Variants in HECW2 observed in about 807,000 individuals in gnomAD.
HECW2 encodes E3 ubiquitin-protein ligase HECW2.
Under a neutral mutation model 175.2 loss-of-function variants are expected in HECW2, and 61 were observed. The ratio of observed to expected loss-of-function variants is 0.35; its 90% CI spans 0.28 to 0.43. The LOEUF is 0.43. HECW2 is among the 20% of genes least tolerant of loss of function. The pLI, the probability that HECW2 is intolerant of heterozygous loss-of-function variation, is 1.00. For synonymous variants in HECW2, 671 were observed against 731.0 expected, an observed-to-expected ratio of 0.92 and a Z score of 1.32; for missense variants, 1,524 against 2,000.5, an observed-to-expected ratio of 0.76 and a Z score of 4.54.
rs746356858 is a variant in HECW2 at position 196,318,562 on chromosome 2, G to A, written c.2328C>T (p.Gly776=). 4.0e-6 allele frequency: 6 copies of A among 1,508,934 alleles called. No homozygotes were observed. Among genetic ancestry groups the A allele is most frequent in the East Asian group, 4.7e-5 (2 of 42,998 alleles). 93.5% of individuals were successfully genotyped at this position (1,508,934 alleles called of 1,614,324 possible). The part of the protein sequence containing the change: ...TCEGATAQEE[G]ATGGSQANGH... ...GTGTCCATATCCTACCTCCAGTAGCGCCCTCCTCCTGGGCAGTTGCCCCTT... is the reference window on the plus strand; with the variant it reads ...GTGTCCATATCCTACCTCCAGTAGCACCCTCCTCCTGGGCAGTTGCCCCTT... The change falls in exon 9 of 29, where the codon GGC becomes GGT. Residue 776 remains glycine, a synonymous_variant. Transcript: ENST00000644978.
intron 1 of HECW2, among the ~76,000 whole-genome samples, chr2:196,587,982 C>A (rs1033556562): frequency 1.3e-5 from 2 of 152,150 alleles, no homozygotes; most frequent in South Asian, 2.1e-4. Flanking sequence ...GGCCATCCTG[C>A]AACTCTATCC....
chr2:196,477,385 C>T (rs969540939), intron 1 of HECW2, among the ~76,000 whole-genome samples: 1 of 152,006 alleles, frequency 6.6e-6, no homozygotes, highest in African/African-American at 2.4e-5. Context: ...ATTAATAGAC[C>T]ATTTGTATGA....
intron 1 of HECW2, among the ~76,000 whole-genome samples, chr2:196,468,243 C>T (rs1374826416): frequency 6.6e-6 from 1 of 152,238 alleles, no homozygotes; most frequent in Non-Finnish European, 1.5e-5. Context: ...GATCCGCCCG[C>T]CTTGGCCTCC....
intron 9 of HECW2, among the ~76,000 whole-genome samples, chr2:196,317,732 A>G (rs1382037701): frequency 6.6e-6 from 1 of 152,160 alleles, no homozygotes; most frequent in East Asian, 1.9e-4. Flanking sequence ...GAAGGGGATC[A>G]TGTAGGTAGA....
At chr2:196,533,212 T>C (rs1688900884) in intron 1 of HECW2, among the ~76,000 whole-genome samples, 1 of 152,248 alleles carries the variant, frequency 6.6e-6, no homozygotes, top group African/African-American at 2.4e-5. Context: ...TTATAAATTA[T>C]AATGTTATGA....
At chr2:196,537,570 C>T (rs959645328) in intron 1 of HECW2, among the ~76,000 whole-genome samples, 4 of 152,048 alleles carry the variant, frequency 2.6e-5, no homozygotes, top group South Asian at 4.1e-4. Flanking sequence ...TGTGGCTGAA[C>T]GGTACTGGTG....
chr2:196,490,648 G>A (rs1176914518), intron 1 of HECW2, among the ~76,000 whole-genome samples: 1 of 152,134 alleles, frequency 6.6e-6, no homozygotes, highest in African/African-American at 2.4e-5. Context: ...ATAAAAACTT[G>A]TATATGAAAG....
chr2:196,484,470 A>T (rs1467352720), intron 1 of HECW2, among the ~76,000 whole-genome samples: 1 of 152,172 alleles, frequency 6.6e-6, no homozygotes, highest in Non-Finnish European at 1.5e-5. Flanking sequence ...CACACCCTGA[A>T]CCTGCAGGAC....
rs908605451 is a variant in HECW2 at position 196,203,004 on chromosome 2, A to G, written c.4608-1616T>C. ...ATTTGGTTCATGAAACAAAGTTTTG[A>G]CCGCGTTTTTGACTGCACCCTGTCA... On this transcript the variant is annotated intron_variant, in intron 28 of 28. Transcript: ENST00000644978. 9.9e-5 allele frequency among the ~76,000 whole-genome samples: 15 copies of G among 152,152 alleles called. No homozygotes were observed. In the South Asian group the frequency reaches 1.0e-3, roughly 11 times the overall value.
At chr2:196,478,585 A>C (rs1164940901) in intron 1 of HECW2, among the ~76,000 whole-genome samples, 1 of 152,068 alleles carries the variant, frequency 6.6e-6, no homozygotes, top group African/African-American at 2.4e-5. Context: ...CTTCACTCTC[A>C]ACAGTTACTT....
At position 196,194,851 on chromosome 2, in the gene HECW2, G is replaced by A. The variant is rs1686636130; in HGVS notation, c.*6426C>T. The A allele has an allele frequency of 6.6e-6, 1 of 152,236 alleles. No individual in the cohort carries two copies. Among genetic ancestry groups the A allele is most frequent in the African/African-American group, 2.4e-5 (1 of 41,552 alleles). The allele number at this position is 152,236 out of a possible 1,614,324, so 9.4% of individuals were successfully genotyped here. A position where few individuals can be genotyped will look rare whatever the true frequency, so the allele number is the denominator to read the frequency against. ...GGTGAACGTAATGACTGAGGTTGGT[G>A]AAGAGAAATTAAAAGCTTAAAAAAA... On this transcript the variant is annotated 3_prime_UTR_variant, in exon 29 of 29. Coordinates refer to ENST00000644978, the MANE Select transcript of HECW2 (RefSeq NM_001348768.2).
chr2:196,531,672 CA>C (rs1204536951), intron 1 of HECW2, among the ~76,000 whole-genome samples: 6 of 107,568 alleles, frequency 5.6e-5, no homozygotes, highest in Admixed American at 2.8e-4. Context: ...AAAAAAAAAA[CA>C]AAAAAAAAAG....
intron 1 of HECW2, among the ~76,000 whole-genome samples, chr2:196,564,166 A>G (rs567601290): frequency 1.3e-5 from 2 of 152,180 alleles, no homozygotes; most frequent in Admixed American, 6.5e-5. Context: ...AAAATGGGAA[A>G]CAGACAAATC....
At position 196,561,372 on chromosome 2, in the gene HECW2, G is replaced by A. The variant is rs554946111; in HGVS notation, c.-36+32136C>T. ...TTAAGATGTTTATCAATGACAATGC[G>A]TGCACAGTGGGACATGGAACTTCAT... On this transcript the variant is annotated intron_variant, in intron 1 of 28. Coordinates refer to ENST00000644978, the MANE Select transcript of HECW2 (RefSeq NM_001348768.2). Among the ~76,000 whole-genome samples, 104 of 152,314 alleles carry A rather than the reference G, an allele frequency of 6.8e-4. 1 individual carries two copies. Among genetic ancestry groups the A allele is most frequent in the African/African-American group, 1.8e-3 (74 of 41,580 alleles).
At chr2:196,520,416 G>C (rs1688319953) in intron 1 of HECW2, among the ~76,000 whole-genome samples, 2 of 152,312 alleles carry the variant, frequency 1.3e-5, no homozygotes, top group African/African-American at 4.8e-5. Context: ...CTTCCTGATA[G>C]AATGTGGTTG....
At chr2:196,550,648 C>T (rs980182091) in intron 1 of HECW2, among the ~76,000 whole-genome samples, 3 of 152,132 alleles carry the variant, frequency 2.0e-5, no homozygotes, top group African/African-American at 7.2e-5. Context: ...AAAATGAGAA[C>T]ATGTTATAAA....
At chr2:196,366,049 G>A (rs1007245510) in intron 2 of HECW2, among the ~76,000 whole-genome samples, 4 of 152,084 alleles carry the variant, frequency 2.6e-5, no homozygotes, top group African/African-American at 7.2e-5. Flanking sequence ...CAAGAATTAC[G>A]CTCAGTAATT....
intron 16 of HECW2, among the ~76,000 whole-genome samples, chr2:196,271,838 G>A (rs534157094): frequency 3.3e-5 from 5 of 152,266 alleles, no homozygotes; most frequent in African/African-American, 1.2e-4. Flanking sequence ...ACTAGACTGT[G>A]CCCACCACTA....
intron 19 of HECW2, among the ~76,000 whole-genome samples, chr2:196,251,447 C>G (rs1465913447): frequency 6.6e-6 from 1 of 152,210 alleles, no homozygotes; most frequent in Non-Finnish European, 1.5e-5. Context: ...CTTTCAACCT[C>G]TCCTGTGCGC....
Sources: gnomAD v4.1 joint callset for allele counts (sites outside exome capture counted in the v4.1 genomes callset) on GRCh38, gnomAD v4.1.1 for gene constraint, MANE v1.5 for transcripts, NCBI Gene and HGNC (gene_info 2026-07-23, HGNC 2026-07-21) for gene names.